Variants in OGDH observed in about 807,000 individuals in gnomAD.
OGDH encodes 2-oxoglutarate dehydrogenase complex component E1.
Under a neutral mutation model 116.6 loss-of-function variants are expected in OGDH, and 38 were observed. The ratio of observed to expected loss-of-function variants is 0.33; its 90% CI spans 0.25 to 0.43. The LOEUF (loss-of-function observed/expected upper bound fraction) is 0.43. Ranked by LOEUF, OGDH falls within the 20% of genes least tolerant of loss-of-function variation. The pLI, the probability that OGDH is intolerant of heterozygous loss-of-function variation, is 1.00. For missense variants in OGDH, 825 were observed against 1,357.2 expected (o/e 0.61, Z 6.16); for synonymous variants, 488 against 533.3 (o/e 0.92, Z 1.17).
intron 20 of OGDH, among the ~76,000 whole-genome samples, chr7:44,702,581 T>TTTTATTTA (rs553174514): frequency 1.1e-4 from 17 of 151,578 alleles, no homozygotes; most frequent in African/African-American, 3.4e-4. Context: ...TTATTTTTAA[T>TTTTATTTA]TTTATTTATT....
intron 1 of OGDH, among the ~76,000 whole-genome samples, chr7:44,610,273 A>G (rs1338628239): frequency 1.3e-5 from 2 of 151,200 alleles, no homozygotes; most frequent in African/African-American, 4.9e-5. Context: ...TCTCCTAGTC[A>G]GCAGCATGTC....
In OGDH at chr7:44,694,415, T is replaced by C. The variant is rs1227651802; in HGVS notation, c.1516-9T>C. On this transcript the variant is annotated splice_polypyrimidine_tract_variant and intron_variant, in intron 11 of 22. Transcript: ENST00000222673. The surrounding 1 kb of genome is among the most constrained non-coding windows in gnomAD (Gnocchi z 4.2). ...CTTGTCTCTGACATCCTCTCACTGC[T>C]CTGAGCAGGTGTGTTACCGGCGCAA... The C allele has an allele frequency of 6.2e-7, 1 of 1,613,708 alleles. No individual in the cohort carries two copies.
intron 1 of OGDH, among the ~76,000 whole-genome samples, chr7:44,607,533 G>T (rs1366574963): frequency 6.6e-6 from 1 of 152,160 alleles, no homozygotes; most frequent in East Asian, 1.9e-4. Flanking sequence ...CTGGGTTTAG[G>T]ATGGGTGGCA....
intron 4 of OGDH, among the ~76,000 whole-genome samples, chr7:44,648,667 TG>T (rs1198995025): frequency 1.3e-5 from 2 of 152,222 alleles, no homozygotes; most frequent in Non-Finnish European, 2.9e-5. Flanking sequence ...TCTAAGGCTC[TG>T]CAGTGCCTGG....
rs1022642434 is a variant in OGDH, at chr7:44,694,060, G to A, written c.1515+56G>A. 2 of 1,538,322 alleles carry A rather than the reference G, an allele frequency of 1.3e-6. No homozygotes were observed. The highest frequency in any genetic ancestry group is 2.5e-5 in the South Asian group (2 of 81,366). On this transcript the variant is annotated intron_variant, in intron 11 of 22. Transcript: ENST00000222673. The surrounding 1 kb of genome is among the most constrained non-coding windows in gnomAD (Gnocchi z 4.2). Reference sequence around the variant, plus strand: ...GCAGAGCATCTGACCCACCCCTCTTGCCCTCGGCACCCCTGTGTCCCAAGG... The same window carrying A: ...GCAGAGCATCTGACCCACCCCTCTTACCCTCGGCACCCCTGTGTCCCAAGG...
intron 8 of OGDH, among the ~76,000 whole-genome samples, chr7:44,675,613 C>G (rs1284934642): frequency 6.6e-6 from 1 of 152,140 alleles, no homozygotes; most frequent in Non-Finnish European, 1.5e-5. Flanking sequence ...CATGGTGGCT[C>G]ACATCCGTAA....
At chr7:44,688,344 C>G (rs1329223205) in intron 10 of OGDH, among the ~76,000 whole-genome samples, 1 of 151,764 alleles carries the variant, frequency 6.6e-6, no homozygotes, top group Non-Finnish European at 1.5e-5. Flanking sequence ...GCACCACAGC[C>G]TGGGTGACAG....
At chr7:44,620,906 G>A (rs1784984320) in intron 1 of OGDH, among the ~76,000 whole-genome samples, 1 of 152,182 alleles carries the variant, frequency 6.6e-6, no homozygotes, top group African/African-American at 2.4e-5. Flanking sequence ...ATTTTGGACA[G>A]CTCAGAGGAG....
At chr7:44,683,575 A>G (rs1163275457) in intron 10 of OGDH, among the ~76,000 whole-genome samples, 2 of 152,198 alleles carry the variant, frequency 1.3e-5, no homozygotes, top group Non-Finnish European at 2.9e-5. Context: ...TGGCCTGTGC[A>G]TGGGGACGTT....
At chr7:44,626,223 G>A (rs1410369525) in intron 2 of OGDH, among the ~76,000 whole-genome samples, 1 of 143,872 alleles carries the variant, frequency 7.0e-6, no homozygotes, top group African/African-American at 2.5e-5. Flanking sequence ...CTGTGAAACT[G>A]GCCCCTGCTT....
chr7:44,615,294 T>TAACAATCCCTCC (rs1562609234), intron 1 of OGDH, among the ~76,000 whole-genome samples: 2 of 152,140 alleles, frequency 1.3e-5, no homozygotes, highest in African/African-American at 2.4e-5. Context: ...TGGTGCGGTG[T>TAACAATCCCTCC]CTGGGGGGAG....
intron 20 of OGDH, among the ~76,000 whole-genome samples, chr7:44,703,933 A>G (rs750006803): frequency 9.9e-5 from 15 of 152,018 alleles, no homozygotes; most frequent in Non-Finnish European, 2.2e-4. Context: ...TGTATGCCAC[A>G]TTTTGCTCAT....
chr7:44,675,086 G>A, intron 7 of OGDH, 92 bp from the exon 8 acceptor site: 1 of 981,360 alleles, frequency 1.0e-6, no homozygotes, highest in Non-Finnish European at 1.6e-6. Flanking sequence ...GTGTCCTGGG[G>A]GGAGGGGGAG....
In OGDH at chr7:44,627,790, C is replaced by T. The variant is rs143607348; in HGVS notation, c.222+3225C>T. Among the ~76,000 whole-genome samples, 290 of 152,248 alleles carry T rather than the reference C, an allele frequency of 1.9e-3. 1 individual carries two copies. The highest frequency in any genetic ancestry group is 6.7e-3 in the African/African-American group (280 of 41,536). On this transcript the variant is annotated intron_variant, in intron 2 of 22. Coordinates refer to ENST00000222673, the MANE Select transcript of OGDH (RefSeq NM_002541.4). ...CCTCCTGGTTCAAGTGATTCTCGTG[C>T]CTCAGCCTCCCGAGTAGCCAGGATT... is the stretch of plus-strand genomic sequence containing the variant.
At chr7:44,645,987 T>C (rs1475371360) in intron 3 of OGDH, among the ~76,000 whole-genome samples, 1 of 152,092 alleles carries the variant, frequency 6.6e-6, no homozygotes, top group Non-Finnish European at 1.5e-5. Context: ...CAGCTGAGGG[T>C]ACAGCTGAGC....
intron 2 of OGDH, among the ~76,000 whole-genome samples, chr7:44,633,252 CAAA>C (rs1163808681): frequency 0.086 from 7,002 of 81,548 alleles, 196 homozygotes; most frequent in East Asian, 0.14. Flanking sequence ...GACTCTGTGT[CAAA>C]AAAAAAAAAA....
chr7:44,704,415 C>A (rs1189210461), intron 20 of OGDH, among the ~76,000 whole-genome samples: 4 of 151,166 alleles, frequency 2.6e-5, no homozygotes, highest in African/African-American at 9.7e-5. Context: ...GAGACAGGAT[C>A]TCTCTATGTT....
At chr7:44,652,033 A>G (rs1469565650) in intron 4 of OGDH, among the ~76,000 whole-genome samples, 5 of 151,782 alleles carry the variant, frequency 3.3e-5, no homozygotes, top group African/African-American at 1.2e-4. Flanking sequence ...CAATTTTTAA[A>G]ATTAATTTTA....
chr7:44,638,054 A>T (rs999062739), intron 2 of OGDH, among the ~76,000 whole-genome samples: 2 of 152,008 alleles, frequency 1.3e-5, no homozygotes, highest in Non-Finnish European at 2.9e-5. Context: ...AACCTTGCCC[A>T]CTTACCTTAA....
Sources: allele counts gnomAD v4.1 joint callset (sites outside exome capture counted in the v4.1 genomes callset), GRCh38; gene constraint gnomAD v4.1.1; non-coding constraint Gnocchi (gnomAD v3.1); transcripts MANE v1.5; gene names NCBI Gene and HGNC (gene_info 2026-07-23, HGNC 2026-07-21).